Variants in ASCC3 observed in about 807,000 individuals in gnomAD.
ASCC3 encodes the protein ASC-1 complex subunit P200.
ASCC3 carries 158 observed loss-of-function variants against 256.3 expected under a neutral mutation model. That is an observed-to-expected ratio of 0.62 (90% CI 0.54 to 0.70). The LOEUF (loss-of-function observed/expected upper bound fraction) is 0.70, where lower values mean the gene tolerates loss of function less well. Ranked by LOEUF, ASCC3 falls within the 30% of genes least tolerant of loss-of-function variation. The pLI is 0.00. For missense variants in ASCC3, 2,259 were observed against 2,626.0 expected (o/e 0.86, Z 3.05); for synonymous variants, 948 against 883.4 (o/e 1.07, Z -1.30).
At chr6:100,758,429 C>T (rs1385966188) in intron 10 of ASCC3, among the ~76,000 whole-genome samples, 2 of 151,964 alleles carry the variant, frequency 1.3e-5, no homozygotes, top group Non-Finnish European at 2.9e-5. Flanking sequence ...TCCATGTGTT[C>T]TCCCTGTGTC....
intron 30 of ASCC3, among the ~76,000 whole-genome samples, chr6:100,615,760 G>A (rs1385627636): frequency 2.6e-5 from 4 of 152,158 alleles, no homozygotes; most frequent in Non-Finnish European, 4.4e-5. Context: ...CAAGGATACT[G>A]AATAGCTGCT....
At chr6:100,760,457 C>T (rs966253102) in intron 10 of ASCC3, among the ~76,000 whole-genome samples, 1 of 152,104 alleles carries the variant, frequency 6.6e-6, no homozygotes, top group Non-Finnish European at 1.5e-5. Flanking sequence ...TTGAACAAGC[C>T]TTGCATCCCA....
At chr6:100,872,004 G>A (rs1237160969) in intron 1 of ASCC3, among the ~76,000 whole-genome samples, 1 of 152,148 alleles carries the variant, frequency 6.6e-6, no homozygotes, top group Non-Finnish European at 1.5e-5. Context: ...CCCACACTGA[G>A]ACACTGCAAA....
chr6:100,641,903 T>C (rs554197931), intron 24 of ASCC3, among the ~76,000 whole-genome samples: 1 of 151,532 alleles, frequency 6.6e-6, no homozygotes, highest in East Asian at 2.0e-4. Flanking sequence ...CTCAGTAAAC[T>C]ATCGCAAGGA....
rs1774964850 is a variant in ASCC3, at chr6:100,638,690, C to T, written c.4033G>A (p.Val1345Ile). The T allele has an allele frequency of 1.9e-6, 3 of 1,613,960 alleles. No individual in the cohort carries two copies. Among genetic ancestry groups the T allele is most frequent in the Middle Eastern group, 1.6e-4 (1 of 6,084 alleles). ...FHTLYHTDCN[V>I]LLGAPTGSGK... ...GATCCAGTAGGTGCTCCAAGTAGGA[C>T]ATTACAATCCGTGTGATACAATGTA... The change falls in exon 25 of 42, where the codon GTC becomes ATC. Residue 1345 changes from valine (V) to isoleucine (I), a missense_variant. By Grantham distance (29) the Val-to-Ile change is conservative. Coordinates refer to ENST00000369162, the MANE Select transcript of ASCC3 (RefSeq NM_006828.4).
chr6:100,671,067 G>C (rs1776720991), intron 14 of ASCC3, among the ~76,000 whole-genome samples: 1 of 151,968 alleles, frequency 6.6e-6, no homozygotes, highest in Non-Finnish European at 1.5e-5. Context: ...AGACAAAAAG[G>C]TGTATATAAC....
intron 4 of ASCC3, among the ~76,000 whole-genome samples, chr6:100,808,354 C>G (rs899958757): frequency 1.3e-5 from 2 of 151,720 alleles, no homozygotes; most frequent in Non-Finnish European, 3.0e-5. Flanking sequence ...CATTGATATG[C>G]CAGATTTTCA....
At chr6:100,614,646 C>A (rs531017352) in intron 30 of ASCC3, among the ~76,000 whole-genome samples, 2 of 152,070 alleles carry the variant, frequency 1.3e-5, no homozygotes, top group Non-Finnish European at 2.9e-5. Context: ...ACAATGCCAC[C>A]CTCTAATCAC....
At chr6:100,620,479 A>G (rs368578873) in intron 30 of ASCC3, among the ~76,000 whole-genome samples, 4 of 152,188 alleles carry the variant, frequency 2.6e-5, no homozygotes, top group African/African-American at 9.7e-5. Flanking sequence ...TGCCTTTGCC[A>G]ATAAATTAAT....
At chr6:100,756,613 G>A (rs1291294435) in intron 10 of ASCC3, among the ~76,000 whole-genome samples, 2 of 152,048 alleles carry the variant, frequency 1.3e-5, no homozygotes, top group Non-Finnish European at 2.9e-5. Context: ...CGTTATACAT[G>A]TATATACACT....
At chr6:100,650,985 T>A (rs1360148148) in intron 19 of ASCC3, among the ~76,000 whole-genome samples, 1 of 151,862 alleles carries the variant, frequency 6.6e-6, no homozygotes, top group Non-Finnish European at 1.5e-5. Flanking sequence ...GCCAAAAAAT[T>A]AAATCTTCTG....
At chr6:100,563,903 G>A (rs1401683036) in intron 36 of ASCC3, among the ~76,000 whole-genome samples, 1 of 151,844 alleles carries the variant, frequency 6.6e-6, no homozygotes, top group African/African-American at 2.4e-5. Context: ...AATGTACTAA[G>A]GCTTTATACA....
chr6:100,687,301 A>AT (rs1777622479), intron 13 of ASCC3, among the ~76,000 whole-genome samples: 1 of 151,910 alleles, frequency 6.6e-6, no homozygotes, highest in African/African-American at 2.4e-5. Context: ...TAAAAAAACA[A>AT]TTTTTTCTTT....
intron 36 of ASCC3, among the ~76,000 whole-genome samples, chr6:100,560,160 T>A (rs1192486646): frequency 6.6e-6 from 1 of 152,186 alleles, no homozygotes; most frequent in Non-Finnish European, 1.5e-5. Flanking sequence ...AAAGTTTTAG[T>A]TTTAGTTAAT....
chr6:100,767,001 G>A (rs1305098503), intron 9 of ASCC3, 144 bp downstream of exon 9: 1 of 893,820 alleles, frequency 1.1e-6, no homozygotes, highest in East Asian at 2.6e-5. Flanking sequence ...TGCCTTAATA[G>A]TAATGAAGTA....
intron 34 of ASCC3, among the ~76,000 whole-genome samples, chr6:100,601,427 A>C (rs1772603577): frequency 6.6e-6 from 1 of 151,990 alleles, no homozygotes; most frequent in Non-Finnish European, 1.5e-5. Context: ...ATTAACACTT[A>C]TAAATGCCCC....
intron 14 of ASCC3, among the ~76,000 whole-genome samples, 157 bp from the exon 15 acceptor site, chr6:100,662,693 TA>T (rs1375813948): frequency 2.0e-5 from 3 of 151,932 alleles, no homozygotes; most frequent in Admixed American, 2.0e-4. Flanking sequence ...TATAAAATCA[TA>T]AAAAATAATG....
At chr6:100,547,805 AAAG>A (rs1287322178) in intron 36 of ASCC3, among the ~76,000 whole-genome samples, 3 of 152,074 alleles carry the variant, frequency 2.0e-5, no homozygotes, top group South Asian at 2.1e-4. Flanking sequence ...ACCCAAGAGA[AAAG>A]AAGGTGTATG....
Position 100,820,567 on chromosome 6 carries a change from T to C in ASCC3, c.802-14687A>G, listed in dbSNP as rs537364249. ...ACATAGGAATAAATCTTTACAGATG[T>C]AGATATGGTAAAAAAAAATTCCTAA... On this transcript the variant is annotated intron_variant, in intron 4 of 41. Coordinates refer to ENST00000369162, the MANE Select transcript of ASCC3 (RefSeq NM_006828.4). Among the ~76,000 whole-genome samples, 3 of 151,874 alleles carry C rather than the reference T, an allele frequency of 2.0e-5. No homozygotes were observed. The East Asian group carries it at 5.8e-4, about 29-fold the overall frequency.
Sources: allele counts gnomAD v4.1 joint callset (sites outside exome capture counted in the v4.1 genomes callset), GRCh38; gene constraint gnomAD v4.1.1; transcripts MANE v1.5; gene names NCBI Gene and HGNC (gene_info 2026-07-23, HGNC 2026-07-21).